The following CEP128 variants were observed in gnomAD, a reference collection of about 807,000 sequenced individuals.
The protein encoded by CEP128 is centrosomal protein 128kDa.
A neutral mutation model predicts 156.7 loss-of-function variants in CEP128; 132 were observed. The ratio of observed to expected loss-of-function variants is 0.84; its 90% CI spans 0.73 to 0.97. The LOEUF (loss-of-function observed/expected upper bound fraction) is 0.97. Ranked by LOEUF, CEP128 falls within the 50% of genes least tolerant of loss-of-function variation. CEP128 has a pLI of 0.00. For missense variants in CEP128, 1,252 were observed against 1,281.9 expected (o/e 0.98, Z 0.36); for synonymous variants, 469 against 448.9 (o/e 1.04, Z -0.57).
intron 2 of CEP128, among the ~76,000 whole-genome samples, chr14:80,925,627 A>AG (rs1885103919): frequency 6.6e-6 from 1 of 151,696 alleles, no homozygotes; most frequent in Admixed American, 6.6e-5. Flanking sequence ...AGTGGAATGG[A>AG]GGCATTATTG....
chr14:80,842,832 C>T (rs1886407226), intron 9 of CEP128, among the ~76,000 whole-genome samples: 1 of 151,962 alleles, frequency 6.6e-6, no homozygotes, highest in Admixed American at 6.6e-5. Flanking sequence ...TAGCTAAAAA[C>T]TATCATGTGC....
intron 2 of CEP128, among the ~76,000 whole-genome samples, chr14:80,935,601 AAAAT>A (rs1462509778): frequency 7.4e-6 from 1 of 134,450 alleles, no homozygotes; most frequent in African/African-American, 2.8e-5. Flanking sequence ...TAAATAAATA[AAAAT>A]AAAGTACTTA....
intron 19 of CEP128, among the ~76,000 whole-genome samples, chr14:80,598,369 C>T (rs960252467): frequency 6.6e-6 from 1 of 152,066 alleles, no homozygotes; most frequent in African/African-American, 2.4e-5. Context: ...TTTAAAATCA[C>T]TCCATTTGAA....
chr14:80,887,258 C>T (rs1888853130), intron 8 of CEP128, among the ~76,000 whole-genome samples: 1 of 152,208 alleles, frequency 6.6e-6, no homozygotes, highest in African/African-American at 2.4e-5. Context: ...GACTTGAACT[C>T]AGCTCTGGAC....
At chr14:80,880,779 C>A (rs373554475) in intron 8 of CEP128, among the ~76,000 whole-genome samples, 36 of 149,758 alleles carry the variant, frequency 2.4e-4, no homozygotes, top group African/African-American at 7.3e-4. Flanking sequence ...AGGAGAATGG[C>A]GTGAATCTCG....
chr14:80,489,121 A>C (rs1354809170), downstream of CEP128, among the ~76,000 whole-genome samples: 21 of 151,866 alleles, frequency 1.4e-4, no homozygotes, highest in Admixed American at 1.4e-3. Flanking sequence ...GTACCCTAAA[A>C]CTTAAAGTAT....
chr14:80,848,253 C>T (rs1886706759), intron 9 of CEP128, among the ~76,000 whole-genome samples: 1 of 152,162 alleles, frequency 6.6e-6, no homozygotes, highest in African/African-American at 2.4e-5. Flanking sequence ...CTGAAAATTC[C>T]TAGCTGTGGG....
At chr14:80,585,598 G>A (rs1016413921) in intron 19 of CEP128, among the ~76,000 whole-genome samples, 1 of 152,164 alleles carries the variant, frequency 6.6e-6, no homozygotes, top group Non-Finnish European at 1.5e-5. Context: ...AGAGGCTTCT[G>A]ACACAGCAAC....
At chr14:80,656,004 T>A (rs556135287) in intron 19 of CEP128, among the ~76,000 whole-genome samples, 1 of 152,046 alleles carries the variant, frequency 6.6e-6, no homozygotes, top group Non-Finnish European at 1.5e-5. Flanking sequence ...AAGGCTTTGC[T>A]GACCTTCTAG....
intron 20 of CEP128, among the ~76,000 whole-genome samples, chr14:80,561,921 G>A (rs1018828416): frequency 9.7e-6 from 1 of 103,200 alleles, no homozygotes; most frequent in African/African-American, 3.6e-5. Context: ...TATTTGTTTT[G>A]TTTTGTTTTT....
In CEP128 at chr14:80,922,349, G is replaced by A. The variant is rs187058644; in HGVS notation, c.-15-5787C>T. On this transcript the variant is annotated intron_variant, in intron 2 of 24. Transcript: ENST00000555265. ...GTGCCAATCTTTACTATTTCATACTGAAGAGCATTCACTGACCAAAGGAAA... is the reference window on the plus strand; with the variant it reads ...GTGCCAATCTTTACTATTTCATACTAAAGAGCATTCACTGACCAAAGGAAA... Among the ~76,000 whole-genome samples the A allele has an allele frequency of 4.2e-3, 632 of 152,198 alleles. 10 individuals carry two copies. Among genetic ancestry groups the A allele is most frequent in the African/African-American group, 0.015 (608 of 41,530 alleles).
At chr14:80,701,976 G>A (rs1897091354) in intron 19 of CEP128, among the ~76,000 whole-genome samples, 1 of 152,032 alleles carries the variant, frequency 6.6e-6, no homozygotes, top group South Asian at 2.1e-4. Context: ...TTCATTCTTG[G>A]CTCCCCTGGC....
intron 14 of CEP128, among the ~76,000 whole-genome samples, chr14:80,480,304 C>G (rs192157226): frequency 1.3e-5 from 2 of 152,286 alleles, no homozygotes; most frequent in Admixed American, 6.5e-5. Context: ...CAGGTGTTTC[C>G]ATACATCTTC....
intron 16 of CEP128, among the ~76,000 whole-genome samples, chr14:80,762,530 T>G (rs1054551651): frequency 1.3e-5 from 2 of 152,208 alleles, no homozygotes; most frequent in Non-Finnish European, 2.9e-5. Flanking sequence ...GAATTAATCA[T>G]GAAAGCTAGA....
chr14:80,903,741 A>G (rs1004599010), intron 6 of CEP128, among the ~76,000 whole-genome samples: 75 of 152,288 alleles, frequency 4.9e-4, no homozygotes, highest in African/African-American at 1.8e-3. Context: ...TACATTTTTA[A>G]AAATATTCAG....
In CEP128 at chr14:80,526,282, G is replaced by A. The variant is rs1342645306; in HGVS notation, c.3072+587C>T. Among the ~76,000 whole-genome samples, 4 of 152,148 alleles carry A rather than the reference G, an allele frequency of 2.6e-5. No homozygotes were observed. The East Asian group carries it at 7.7e-4, about 29-fold the overall frequency. On this transcript the variant is annotated intron_variant, in intron 23 of 24. Transcript: ENST00000555265. ...TGAGAAACTCTGCTCTAAACTGAGA[G>A]CTGCCCAAGGTCAAATGGATTTAAA... is the stretch of plus-strand genomic sequence containing the variant.
intron 15 of CEP128, among the ~76,000 whole-genome samples, chr14:80,781,292 A>C (rs1901093613): frequency 6.6e-6 from 1 of 152,022 alleles, no homozygotes; most frequent in Non-Finnish European, 1.5e-5. Flanking sequence ...CCCCATCTCT[A>C]CTAAAAATAC....
At chr14:80,514,538 AT>A (rs1449351919) in intron 23 of CEP128, 1 of 209,282 alleles carries the variant, frequency 4.8e-6, no homozygotes, top group Non-Finnish European at 1.0e-5. Context: ...TGTCAATTAA[AT>A]TTTTTAGCTC....
chr14:80,844,913 C>T (rs1055283895), intron 9 of CEP128, among the ~76,000 whole-genome samples: 3 of 152,006 alleles, frequency 2.0e-5, no homozygotes, highest in African/African-American at 4.8e-5. Flanking sequence ...CCCATACCTA[C>T]GGAATCCACC....
Sources: gnomAD v4.1 joint callset for allele counts (sites outside exome capture counted in the v4.1 genomes callset) on GRCh38, gnomAD v4.1.1 for gene constraint, MANE v1.5 for transcripts, NCBI Gene and HGNC (gene_info 2026-07-23, HGNC 2026-07-21) for gene names.